CA8: variants seen among roughly 807,000 people sequenced by gnomAD.
The protein encoded by CA8 is carbonic anhydrase-related protein.
CA8 carries 22 observed loss-of-function variants against 41.4 expected under a neutral mutation model. The ratio of observed to expected loss-of-function variants is 0.53; its 90% CI spans 0.38 to 0.76. The LOEUF (loss-of-function observed/expected upper bound fraction) is 0.76. Ranked by LOEUF, CA8 falls within the 30% of genes least tolerant of loss-of-function variation. The probability of loss-of-function intolerance (pLI) is 0.00; values close to 1 mark genes in which losing one functional copy is unlikely to be tolerated. For missense variants in CA8, 270 were observed against 352.8 expected (o/e 0.77, Z 1.88); for synonymous variants, 121 against 130.6 (o/e 0.93, Z 0.50).
chr8:60,232,206 T>A, intron 4 of CA8, 78 bp downstream of exon 4: 2 of 1,073,994 alleles, frequency 1.9e-6, no homozygotes, highest in Non-Finnish European at 2.9e-6. Context: ...GCAATAAAAT[T>A]GAGAATAAAA....
chr8:60,262,217 A>G (rs1264933155), intron 3 of CA8, among the ~76,000 whole-genome samples: 1 of 152,114 alleles, frequency 6.6e-6, no homozygotes, highest in Non-Finnish European at 1.5e-5. Context: ...TGAATGCAGA[A>G]TGTGAACCTG....
chr8:60,217,169 C>A (rs1007265728), intron 7 of CA8, among the ~76,000 whole-genome samples: 3 of 151,976 alleles, frequency 2.0e-5, no homozygotes, highest in African/African-American at 7.3e-5. Flanking sequence ...CAGGCGTGAG[C>A]CACCACGCCT....
At chr8:60,215,218 T>C (rs953918501) in intron 7 of CA8, among the ~76,000 whole-genome samples, 1 of 152,210 alleles carries the variant, frequency 6.6e-6, no homozygotes, top group Non-Finnish European at 1.5e-5. Flanking sequence ...TATTCTGTTC[T>C]TGGAATCTCA....
chr8:60,215,036 T>G (rs2130442528), intron 7 of CA8, among the ~76,000 whole-genome samples: 1 of 152,298 alleles, frequency 6.6e-6, no homozygotes, highest in South Asian at 2.1e-4. Context: ...CAAAACTTAA[T>G]TATCAACCCA....
At chr8:60,192,937 G>GCA (rs377257462) in intron 8 of CA8, among the ~76,000 whole-genome samples, 10,231 of 140,660 alleles carry the variant, frequency 0.073, 379 homozygotes, top group African/African-American at 0.085. Context: ...TCAACATCAT[G>GCA]CACACACACA....
intron 1 of CA8, among the ~76,000 whole-genome samples, 172 bp downstream of exon 1, chr8:60,280,876 G>T (rs1247260764): frequency 2.6e-5 from 4 of 152,234 alleles, no homozygotes; most frequent in African/African-American, 9.6e-5. Context: ...TCCCTGGAGC[G>T]CCTCCCGCCC....
intron 4 of CA8, among the ~76,000 whole-genome samples, chr8:60,229,653 C>T (rs1369187254): frequency 2.0e-5 from 3 of 152,176 alleles, no homozygotes; most frequent in Non-Finnish European, 4.4e-5. Context: ...CTGGTACGTG[C>T]TCTCATTCTG....
intron 2 of CA8, among the ~76,000 whole-genome samples, chr8:60,269,892 C>A (rs573726629): frequency 6.6e-6 from 1 of 152,224 alleles, no homozygotes; most frequent in Non-Finnish European, 1.5e-5. Context: ...AAGCCAATAA[C>A]AAGCATGAAT....
chr8:60,198,125 A>G (rs931137073), intron 8 of CA8, among the ~76,000 whole-genome samples: 4 of 152,180 alleles, frequency 2.6e-5, no homozygotes, highest in African/African-American at 9.6e-5. Context: ...TGGTGTCGTG[A>G]AAAGAGCTCA....
intron 3 of CA8, among the ~76,000 whole-genome samples, chr8:60,250,961 AAC>A (rs1477398173): frequency 1.1e-4 from 16 of 152,182 alleles, no homozygotes; most frequent in African/African-American, 3.1e-4. Context: ...ACTATTATAA[AAC>A]AGTTATATTT....
At chr8:60,248,095 TG>T (rs1379864248) in intron 3 of CA8, among the ~76,000 whole-genome samples, 12 of 148,822 alleles carry the variant, frequency 8.1e-5, no homozygotes, top group South Asian at 2.1e-4. Context: ...CAGTTTTTGA[TG>T]TTTTTTTTTT....
intron 8 of CA8, among the ~76,000 whole-genome samples, chr8:60,191,057 G>A (rs1314008233): frequency 6.6e-6 from 1 of 150,886 alleles, no homozygotes; most frequent in African/African-American, 2.4e-5. Context: ...TTATAATGCT[G>A]GGTTATGTAT....
intron 7 of CA8, among the ~76,000 whole-genome samples, chr8:60,218,368 T>G (rs1488354238): frequency 2.0e-5 from 3 of 152,132 alleles, no homozygotes; most frequent in African/African-American, 7.2e-5. Flanking sequence ...GTGAATTCTT[T>G]GAGAGTGTCT....
At chr8:60,195,180 T>C (rs967112088) in intron 8 of CA8, among the ~76,000 whole-genome samples, 2 of 152,224 alleles carry the variant, frequency 1.3e-5, no homozygotes, top group Admixed American at 1.3e-4. Context: ...CAATGATCAG[T>C]GTTCATAATG....
At chr8:60,279,460 A>G (rs1291343685) in intron 2 of CA8, among the ~76,000 whole-genome samples, 1 of 152,230 alleles carries the variant, frequency 6.6e-6, no homozygotes, top group East Asian at 1.9e-4. Context: ...CAGTAACATC[A>G]TAAGAAGCAG....
At chr8:60,278,529 T>TA (rs1428827729) in intron 2 of CA8, among the ~76,000 whole-genome samples, 9 of 152,246 alleles carry the variant, frequency 5.9e-5, no homozygotes, top group Admixed American at 2.0e-4. Context: ...CAATATCCTT[T>TA]AAAAAACAGT....
rs1408718554 is a variant in CA8 at position 60,187,780 on chromosome 8, A to G, written c.*2241T>C. The G allele has an allele frequency of 6.6e-6, 1 of 152,144 alleles. No individual in the cohort carries two copies. Among genetic ancestry groups the G allele is most frequent in the Non-Finnish European group, 1.5e-5 (1 of 68,010 alleles). The allele number at this position is 152,144 out of a possible 1,614,324, so 9.4% of individuals were successfully genotyped here. On this transcript the variant is annotated 3_prime_UTR_variant, in exon 9 of 9. Coordinates refer to ENST00000317995, the MANE Select transcript of CA8 (RefSeq NM_004056.6). ...TTAAATTGTTTCATAAACAAAATGCACCCTAAATTAAATTTCAAGATCTAT... is the reference window on the plus strand; with the variant it reads ...TTAAATTGTTTCATAAACAAAATGCGCCCTAAATTAAATTTCAAGATCTAT...
intron 4 of CA8, among the ~76,000 whole-genome samples, chr8:60,231,885 G>A (rs1241363644): frequency 1.3e-5 from 2 of 152,080 alleles, no homozygotes; most frequent in Admixed American, 6.5e-5. Context: ...AGTGAAAATT[G>A]TTAATAAAGA....
chr8:60,276,802 A>G (rs1185219064), intron 2 of CA8, among the ~76,000 whole-genome samples: 1 of 152,160 alleles, frequency 6.6e-6, no homozygotes, highest in Non-Finnish European at 1.5e-5. Flanking sequence ...CGAGAGTGAA[A>G]TCATAAGAAA....
Sources: allele counts gnomAD v4.1 joint callset (sites outside exome capture counted in the v4.1 genomes callset), GRCh38; gene constraint gnomAD v4.1.1; transcripts MANE v1.5; gene names NCBI Gene and HGNC (gene_info 2026-07-23, HGNC 2026-07-21).